The following ELMO1 variants were observed in gnomAD, a reference collection of about 807,000 sequenced individuals.
ELMO1 encodes the protein engulfment and cell motility protein 1.
A neutral mutation model predicts 98.9 loss-of-function variants in ELMO1; 26 were observed. The observed-to-expected ratio is 0.26, with a 90% CI of 0.19 to 0.36. The LOEUF (loss-of-function observed/expected upper bound fraction) is 0.36, where lower values mean the gene tolerates loss of function less well. Among genes scored for constraint, ELMO1 ranks in the 10% least tolerant of loss-of-function variants. The probability of loss-of-function intolerance (pLI) is 1.00; values close to 1 mark genes in which losing one functional copy is unlikely to be tolerated. For synonymous variants in ELMO1, 346 were observed against 346.0 expected, an observed-to-expected ratio of 1.00 and a Z score of 0.00; for missense variants, 627 against 935.2, an observed-to-expected ratio of 0.67 and a Z score of 4.30.
chr7:36,865,626 TCTC>T (rs1240265765), intron 20 of ELMO1, among the ~76,000 whole-genome samples: 2 of 152,196 alleles, frequency 1.3e-5, no homozygotes, highest in Non-Finnish European at 2.9e-5. Context: ...TGGAAAGTCT[TCTC>T]CTCATTCTCT....
chr7:36,926,892 CAT>C (rs894739751), intron 16 of ELMO1, among the ~76,000 whole-genome samples: 3 of 152,052 alleles, frequency 2.0e-5, no homozygotes, highest in African/African-American at 7.2e-5. Context: ...TTCCTAATTC[CAT>C]ATGTGTTAGA....
At position 37,267,035 on chromosome 7, in the gene ELMO1, A is replaced by G. The variant is rs1306763493; in HGVS notation, c.243+4797T>C. Among the ~76,000 whole-genome samples, 2 of 55,782 alleles carry G rather than the reference A, an allele frequency of 3.6e-5. 1 individual carries two copies. The highest frequency in any genetic ancestry group is 6.5e-5 in the Non-Finnish European group (2 of 30,656). The allele number at this position is 55,782 out of a possible 152,430, so 36.6% of individuals were successfully genotyped here. A position where few individuals can be genotyped will look rare whatever the true frequency, so the allele number is the denominator to read the frequency against. On this transcript the variant is annotated intron_variant, in intron 5 of 21. Coordinates refer to ENST00000310758, the MANE Select transcript of ELMO1 (RefSeq NM_014800.11). The stretch of plus-strand genomic sequence containing the variant: ...CTAAAAAAAAAAAAAAAATATGTAT[A>G]TATACACACACACACACACACACAC...
rs139981398 is a variant in ELMO1, at chr7:36,853,788, A to T, written c.*1763T>A. On this transcript the variant is annotated 3_prime_UTR_variant, in exon 22 of 22. Coordinates refer to ENST00000310758, the MANE Select transcript of ELMO1 (RefSeq NM_014800.11). ...GGTGCTGTGCCACGCTTAATACTGCATGCTTGGACCCTTCTGACATCCCTC... is the reference window on the plus strand; with the variant it reads ...GGTGCTGTGCCACGCTTAATACTGCTTGCTTGGACCCTTCTGACATCCCTC... 1.1e-4 allele frequency among the ~76,000 whole-genome samples: 17 copies of T among 152,312 alleles called. No individual in the cohort carries two copies. The highest frequency in any genetic ancestry group is 3.8e-4 in the African/African-American group (16 of 41,578).
At chr7:37,050,659 C>CACACACAA (rs767009287) in intron 15 of ELMO1, among the ~76,000 whole-genome samples, 22 of 142,730 alleles carry the variant, frequency 1.5e-4, no homozygotes, top group Non-Finnish European at 2.9e-4. Context: ...CACACACACA[C>CACACACAA]AAAAGGTAAC....
chr7:37,433,105 G>A (rs1025385491), intron 1 of ELMO1, among the ~76,000 whole-genome samples: 4 of 152,132 alleles, frequency 2.6e-5, no homozygotes, highest in African/African-American at 7.2e-5. Flanking sequence ...AGTGACCTTG[G>A]GTCTTCAGCA....
At chr7:36,884,010 C>A (rs747904276) in intron 18 of ELMO1, among the ~76,000 whole-genome samples, 1 of 152,092 alleles carries the variant, frequency 6.6e-6, no homozygotes, top group Non-Finnish European at 1.5e-5. Flanking sequence ...CCATGCTACT[C>A]CACCTCCTGT....
intron 2 of ELMO1, among the ~76,000 whole-genome samples, chr7:37,338,343 TG>T (rs1800533134): frequency 6.6e-6 from 1 of 152,100 alleles, no homozygotes; most frequent in Admixed American, 6.5e-5. Flanking sequence ...CCCATGGTGG[TG>T]GTATAAAAAC....
At chr7:36,914,810 C>A (rs1445118597) in intron 16 of ELMO1, among the ~76,000 whole-genome samples, 3 of 152,122 alleles carry the variant, frequency 2.0e-5, no homozygotes, top group Admixed American at 1.3e-4. Flanking sequence ...CCGCACCCAG[C>A]CGAAATGAAA....
chr7:37,098,076 TC>T (rs1784455256), intron 14 of ELMO1, among the ~76,000 whole-genome samples: 2 of 152,234 alleles, frequency 1.3e-5, no homozygotes, highest in Admixed American at 6.5e-5. Flanking sequence ...CCAAAACTCA[TC>T]CCCAGTAAGA....
intron 15 of ELMO1, among the ~76,000 whole-genome samples, chr7:37,075,147 A>ATTTT (rs113966386): frequency 7.1e-6 from 1 of 140,146 alleles, no homozygotes. Context: ...TTCATTTGGA[A>ATTTT]TTTTTTTTTT....
Position 37,169,333 on chromosome 7 carries a change from G to A in ELMO1, c.1087-36099C>T, listed in dbSNP as rs188702237. ...CTCGCCCTGCTTCGGCTCGTGCATC[G>A]TGCACTGCACCCAATGACCTGCGCC... is the stretch of plus-strand genomic sequence containing the variant. On this transcript the variant is annotated intron_variant, in intron 13 of 21. Transcript: ENST00000310758. Among the ~76,000 whole-genome samples the A allele has an allele frequency of 2.3e-4, 35 of 152,224 alleles. 1 individual carries two copies. In the East Asian group the frequency reaches 6.4e-3, roughly 28 times the overall value.
intron 13 of ELMO1, among the ~76,000 whole-genome samples, chr7:37,145,199 G>A (rs1787904450): frequency 6.6e-6 from 1 of 152,188 alleles, no homozygotes; most frequent in South Asian, 2.1e-4. Context: ...TACAGATGTT[G>A]CTAGTTGAGG....
intron 1 of ELMO1, chr7:37,375,786 G>T (rs1319825259): frequency 3.1e-6 from 3 of 963,668 alleles, no homozygotes; most frequent in South Asian, 2.7e-5. Flanking sequence ...TGACCCTGGA[G>T]ACTGTGCCTG....
rs190131682 is a variant in ELMO1 at position 37,040,109 on chromosome 7, A to G, written c.1301-26674T>C. 8.6e-5 allele frequency among the ~76,000 whole-genome samples: 13 copies of G among 152,032 alleles called. No homozygotes were observed. The East Asian group carries it at 2.5e-3, about 29-fold the overall frequency. On this transcript the variant is annotated intron_variant, in intron 15 of 21. Transcript: ENST00000310758. ...GGGGCTAGTGTGACTAAGGAATTAA[A>G]TTGAATTTTAAAATTTTACTTATTT...
chr7:37,387,303 T>G lies in ELMO1; in HGVS notation c.-73-44540A>C, dbSNP rs543521677. Among the ~76,000 whole-genome samples the G allele has an allele frequency of 1.4e-4, 22 of 152,338 alleles. No homozygotes were observed. In the East Asian group the frequency reaches 4.0e-3, roughly 28 times the overall value. On this transcript the variant is annotated intron_variant, in intron 1 of 21. Coordinates refer to ENST00000310758, the MANE Select transcript of ELMO1 (RefSeq NM_014800.11). ...GGCTAGAAGTTACAAGGCCAAGATG[T>G]CAACAGAGCCCTGCTCCCTCTGAAA... is the stretch of plus-strand genomic sequence containing the variant.
intron 1 of ELMO1, among the ~76,000 whole-genome samples, chr7:37,415,708 G>A (rs1804186683): frequency 6.6e-6 from 1 of 152,158 alleles, no homozygotes; most frequent in African/African-American, 2.4e-5. Context: ...ATGAAAAAAT[G>A]TATCTTCCCA....
At chr7:36,944,459 CACTCT>C (rs1482238508) in intron 16 of ELMO1, among the ~76,000 whole-genome samples, 4 of 152,242 alleles carry the variant, frequency 2.6e-5, no homozygotes, top group African/African-American at 9.6e-5. Flanking sequence ...ACATGATTTT[CACTCT>C]ACTCCTGGGA....
intron 1 of ELMO1, among the ~76,000 whole-genome samples, chr7:37,448,403 C>A (rs969643277): frequency 3.3e-5 from 5 of 152,056 alleles, no homozygotes. Flanking sequence ...CGCCCCCTCC[C>A]TCCGCTCCCA....
chr7:37,298,422 T>G (rs1247864206), intron 4 of ELMO1, among the ~76,000 whole-genome samples: 2 of 145,436 alleles, frequency 1.4e-5, no homozygotes, highest in Admixed American at 7.0e-5. Context: ...CATCTAGCAT[T>G]AGGTATATCT....
Sources: allele counts gnomAD v4.1 joint callset (sites outside exome capture counted in the v4.1 genomes callset), GRCh38; gene constraint gnomAD v4.1.1; transcripts MANE v1.5; gene names NCBI Gene and HGNC (gene_info 2026-07-23, HGNC 2026-07-21).